Variants in ZXDC observed in about 807,000 individuals in gnomAD.
ZXDC encodes ZXD family zinc finger C.
In ZXDC, 58 loss-of-function variants were observed where a neutral mutation model predicts 63.6. The observed-to-expected ratio is 0.91, with a 90% CI of 0.74 to 1.13. ZXDC has a LOEUF of 1.13. ZXDC is among the 50% of genes most tolerant of loss of function. The pLI is 0.00. For missense variants in ZXDC, 1,133 were observed against 1,148.9 expected (o/e 0.99, Z 0.20); for synonymous variants, 561 against 496.1 (o/e 1.13, Z -1.74).
chr3:126,463,601 A>G (rs1934641748), intron 5 of ZXDC, among the ~76,000 whole-genome samples: 1 of 152,234 alleles, frequency 6.6e-6, no homozygotes, highest in African/African-American at 2.4e-5. Context: ...AGCAAACAGT[A>G]AAATGGGAGC....
At chr3:126,474,199 G>C (rs1935090144) in intron 1 of ZXDC, among the ~76,000 whole-genome samples, 1 of 151,976 alleles carries the variant, frequency 6.6e-6, no homozygotes, top group Admixed American at 6.6e-5. Context: ...CGAGTAGCTG[G>C]GACTACAGGC....
intron 7 of ZXDC, 116 bp from the exon 8 acceptor site, chr3:126,442,062 G>A (rs1933703005): frequency 1.7e-6 from 2 of 1,205,680 alleles, no homozygotes; most frequent in East Asian, 5.8e-5. Flanking sequence ...ATTCTGCACA[G>A]CTAAGAGACG....
intron 9 of ZXDC, among the ~76,000 whole-genome samples, chr3:126,438,782 T>G (rs1933560120): frequency 6.6e-6 from 1 of 152,172 alleles, no homozygotes; most frequent in Non-Finnish European, 1.5e-5. Flanking sequence ...CGGTGAGCAC[T>G]CTCCCAGGTA....
chr3:126,474,200 G>A (rs1045983440), intron 1 of ZXDC, among the ~76,000 whole-genome samples: 1 of 152,064 alleles, frequency 6.6e-6, no homozygotes, highest in African/African-American at 2.4e-5. Flanking sequence ...GAGTAGCTGG[G>A]ACTACAGGCG....
intron 7 of ZXDC, among the ~76,000 whole-genome samples, chr3:126,444,970 A>G (rs889479931): frequency 6.6e-6 from 1 of 152,252 alleles, no homozygotes; most frequent in African/African-American, 2.4e-5. Flanking sequence ...CAACAGGAAA[A>G]AAGATAGGCT....
intron 7 of ZXDC, chr3:126,454,498 CCT>C (rs972897993): frequency 5.0e-5 from 49 of 985,156 alleles, no homozygotes; most frequent in South Asian, 4.7e-5. Context: ...TTTATTTTAC[CCT>C]GTCTTAATCT....
chr3:126,438,234 A>G lies in ZXDC; in HGVS notation c.*141T>C, dbSNP rs1332497806. On this transcript the variant is annotated 3_prime_UTR_variant, in exon 10 of 10. Coordinates refer to ENST00000389709, the MANE Select transcript of ZXDC (RefSeq NM_025112.5). Reference sequence around the variant, plus strand: ...AAAACAAAAGGAAAACATTTTTGATAAATGTACCCAAAAGTCTCAAAAGGG... The same window carrying G: ...AAAACAAAAGGAAAACATTTTTGATGAATGTACCCAAAAGTCTCAAAAGGG... 4.3e-6 allele frequency: 3 copies of G among 704,420 alleles called. No homozygotes were observed. The highest frequency in any genetic ancestry group is 3.6e-5 in the African/African-American group (2 of 55,854). 43.6% of individuals were successfully genotyped at this position (704,420 alleles called of 1,614,324 possible).
chr3:126,458,351 C>T (rs1576676542), intron 7 of ZXDC, among the ~76,000 whole-genome samples: 2 of 151,698 alleles, frequency 1.3e-5, no homozygotes, highest in African/African-American at 2.4e-5. Flanking sequence ...ATTCTCCTGC[C>T]TCAGCCTCCC....
chr3:126,468,935 C>T (rs1445159913), intron 4 of ZXDC, among the ~76,000 whole-genome samples: 1 of 152,242 alleles, frequency 6.6e-6, no homozygotes, highest in Non-Finnish European at 1.5e-5. Flanking sequence ...AGCCCCAGGG[C>T]TCTGTCCTAG....
At position 126,459,614 on chromosome 3, in the gene ZXDC, A is replaced by G. The variant is rs375853730; in HGVS notation, c.2212+39T>C. On this transcript the variant is annotated intron_variant, in intron 7 of 9. Coordinates refer to ENST00000389709, the MANE Select transcript of ZXDC (RefSeq NM_025112.5). ...CCAGTAACAGTGACAGAGAACCCTC[A>G]GGCCCTTGCTCGTCCGGCTGCAGCA... 46 of 1,613,692 alleles carry G rather than the reference A, an allele frequency of 2.9e-5. No individual in the cohort carries two copies. In the African/African-American group the frequency reaches 6.0e-4, roughly 21 times the overall value.
chr3:126,457,436 A>C, intron 7 of ZXDC: 1 of 985,376 alleles, frequency 1.0e-6, no homozygotes, highest in Non-Finnish European at 1.2e-6. Flanking sequence ...TGGCTGAGGC[A>C]CCTGGAGGGG....
chr3:126,472,337 G>C (rs551881112), intron 1 of ZXDC, 32 bp from the exon 2 acceptor site: 80 of 1,592,184 alleles, frequency 5.0e-5, no homozygotes, highest in Non-Finnish European at 6.5e-5. Context: ...CCTGCTCAAA[G>C]CGTGGCAAAA....
chr3:126,462,201 T>G lies in ZXDC; in HGVS notation c.1461A>C (p.Glu487Asp). The G allele has an allele frequency of 6.3e-7, 1 of 1,598,772 alleles. No individual in the cohort carries two copies. The highest frequency in any genetic ancestry group is 8.5e-7 in the Non-Finnish European group (1 of 1,174,732). ...SRRQDLLPQL[E>D]APSSLTPSSE... Reference sequence around the variant, plus strand: ...TGCTGGGAGTAAGAGAACTCGGAGCTTCTAGCTGAGGTAAGAGATCTGAAA... The same window carrying G: ...TGCTGGGAGTAAGAGAACTCGGAGCGTCTAGCTGAGGTAAGAGATCTGAAA... Residue 487 changes from glutamate to aspartate, a missense_variant, in exon 6 of 10, where the codon GAA (glutamate) becomes GAC (aspartate). Physicochemically the swap from Glu to Asp is conservative, Grantham distance 45. Transcript: ENST00000389709.
At chr3:126,440,064 C>T (rs985656382) in intron 8 of ZXDC, 5 of 1,126,060 alleles carry the variant, frequency 4.4e-6, no homozygotes, top group Non-Finnish European at 5.4e-6. Context: ...CGCCCTGTAC[C>T]CCCACCAACC....
chr3:126,466,915 AT>A (rs1479154236), intron 4 of ZXDC, among the ~76,000 whole-genome samples: 3 of 152,284 alleles, frequency 2.0e-5, no homozygotes, highest in Admixed American at 1.3e-4. Context: ...AACAAGACAC[AT>A]TCAAAGTTAC....
intron 1 of ZXDC, among the ~76,000 whole-genome samples, chr3:126,474,430 T>C (rs567146928): frequency 2.6e-5 from 4 of 152,350 alleles, no homozygotes; most frequent in South Asian, 2.1e-4. Context: ...GGACAGTTTT[T>C]AACCTTCACA....
At chr3:126,473,452 A>C (rs1237227523) in intron 1 of ZXDC, among the ~76,000 whole-genome samples, 3 of 152,110 alleles carry the variant, frequency 2.0e-5, no homozygotes, top group Non-Finnish European at 2.9e-5. Context: ...ATCTCAACAC[A>C]AGAAGCCTCA....
Position 126,475,147 on chromosome 3 carries a change from C to G in ZXDC, c.719G>C (p.Cys240Ser), listed in dbSNP as rs1171900109. ...CTTCTTGCCACAGCCGCCCACTGGACAGCCGAAGGGCCGCAGCTTGTCGTG... is the reference window on the plus strand; with the variant it reads ...CTTCTTGCCACAGCCGCCCACTGGAGAGCCGAAGGGCCGCAGCTTGTCGTG... The part of the protein sequence containing the change: ...QSHDKLRPFG[C>S]PVGGCGKKFT... The change falls in exon 1 of 10, where the codon TGT (cysteine) becomes TCT (serine). Residue 240 changes from cysteine (C) to serine (S), a missense_variant. Physicochemically the swap from Cys to Ser is moderately radical, Grantham distance 112 (BLOSUM62 -1). Transcript: ENST00000389709. 3 of 1,608,388 alleles carry G rather than the reference C, an allele frequency of 1.9e-6. No individual in the cohort carries two copies. The African/African-American group carries it at 4.0e-5, about 22-fold the overall frequency.
chr3:126,440,951 C>T (rs1228112366), intron 8 of ZXDC: 4 of 985,596 alleles, frequency 4.1e-6, no homozygotes, highest in East Asian at 1.1e-4. Context: ...CTCCACCCTC[C>T]GCACTTCCGT....
Sources: allele counts gnomAD v4.1 joint callset (sites outside exome capture counted in the v4.1 genomes callset), GRCh38; gene constraint gnomAD v4.1.1; transcripts MANE v1.5; gene names NCBI Gene and HGNC (gene_info 2026-07-23, HGNC 2026-07-21).